Variants in TBC1D4 observed in about 807,000 individuals in gnomAD.
TBC1D4 encodes TBC1 domain family member 4.
A neutral mutation model predicts 142.5 loss-of-function variants in TBC1D4; 121 were observed. The ratio of observed to expected loss-of-function variants is 0.85; its 90% CI spans 0.73 to 0.99. The LOEUF is 0.99. Ranked by LOEUF, TBC1D4 falls within the 50% of genes least tolerant of loss-of-function variation. TBC1D4 has a pLI of 0.00. For missense variants in TBC1D4, 1,475 were observed against 1,606.6 expected (o/e 0.92, Z 1.40); for synonymous variants, 630 against 628.2 (o/e 1.00, Z -0.04).
chr13:75,381,141 G>A (rs4608216), intron 1 of TBC1D4, among the ~76,000 whole-genome samples: 72,194 of 152,008 alleles, frequency 0.47, 18,091 homozygotes, highest in South Asian at 0.71. Flanking sequence ...TGTTAATAAA[G>A]TGGATGAATT....
chr13:75,456,573 A>G lies in TBC1D4; in HGVS notation c.498+24697T>C, dbSNP rs577835321. On this transcript the variant is annotated intron_variant, in intron 1 of 20. Transcript: ENST00000377636. ...TTAGCACATCATTAGTCATCTGCAA[A>G]ATGCAAATTCAAACCTCCATGAGAT... 2.6e-5 allele frequency among the ~76,000 whole-genome samples: 4 copies of G among 152,288 alleles called. No individual in the cohort carries two copies. The East Asian group carries it at 7.7e-4, about 29-fold the overall frequency.
chr13:75,375,323 C>T (rs1317782588), intron 1 of TBC1D4, among the ~76,000 whole-genome samples: 3 of 152,304 alleles, frequency 2.0e-5, no homozygotes, highest in Non-Finnish European at 4.4e-5. Flanking sequence ...GGGGGCCACT[C>T]CCAGGGTCCT....
intron 16 of TBC1D4, 130 bp from the exon 17 acceptor site, chr13:75,299,704 G>T (rs1876322415): frequency 8.6e-7 from 1 of 1,159,140 alleles, no homozygotes; most frequent in Non-Finnish European, 1.2e-6. Context: ...GTTGCTTAGA[G>T]TCACCATGTA....
intron 6 of TBC1D4, 113 bp downstream of exon 6, chr13:75,341,383 T>C: frequency 8.0e-7 from 1 of 1,245,594 alleles, no homozygotes; most frequent in Admixed American, 1.8e-5. Context: ...CCAGTAGTAC[T>C]CTAGGTCATG....
At chr13:75,288,666 T>C (rs566337) in intron 20 of TBC1D4, among the ~76,000 whole-genome samples, 46,172 of 152,022 alleles carry the variant, frequency 0.3, 8,278 homozygotes, top group African/African-American at 0.49. Context: ...CTCCCTTTAA[T>C]TTAACCAAAT....
intron 4 of TBC1D4, among the ~76,000 whole-genome samples, chr13:75,355,311 A>G (rs1453295022): frequency 6.6e-6 from 1 of 152,224 alleles, no homozygotes; most frequent in Non-Finnish European, 1.5e-5. Flanking sequence ...ATGGTGATGT[A>G]TATGTCTAAA....
At chr13:75,438,234 T>C (rs1308001337) in intron 1 of TBC1D4, among the ~76,000 whole-genome samples, 1 of 152,194 alleles carries the variant, frequency 6.6e-6, no homozygotes, top group Non-Finnish European at 1.5e-5. Flanking sequence ...TCCTAGAAAC[T>C]TATAACTGAT....
chr13:75,456,702 G>A (rs1887749814), intron 1 of TBC1D4, among the ~76,000 whole-genome samples: 1 of 150,298 alleles, frequency 6.7e-6, no homozygotes, highest in African/African-American at 2.5e-5. Flanking sequence ...GCTGGTGGGA[G>A]TAGAAACTGG....
intron 1 of TBC1D4, among the ~76,000 whole-genome samples, chr13:75,397,543 A>G (rs1566458994): frequency 6.6e-6 from 1 of 152,178 alleles, no homozygotes; most frequent in Non-Finnish European, 1.5e-5. Context: ...CGGCAAGGAG[A>G]GAAAAGATAA....
intron 19 of TBC1D4, among the ~76,000 whole-genome samples, chr13:75,291,017 A>G (rs1875239979): frequency 6.6e-6 from 1 of 152,212 alleles, no homozygotes; most frequent in Non-Finnish European, 1.5e-5. Flanking sequence ...GCTGCTCTTA[A>G]GCTTGTCCAC....
intron 1 of TBC1D4, among the ~76,000 whole-genome samples, chr13:75,376,640 C>T (rs1174471618): frequency 6.6e-6 from 1 of 152,212 alleles, no homozygotes; most frequent in Non-Finnish European, 1.5e-5. Context: ...GCCTCAGCCT[C>T]CCAAAGTTCT....
At position 75,336,806 on chromosome 13, in the gene TBC1D4, GTTT is replaced by G. The variant is rs147812027; in HGVS notation, c.1731+112_1731+114del. The G allele has an allele frequency of 1.6e-4, 193 of 1,193,732 alleles. 1 individual carries two copies. In the African/African-American group the frequency reaches 2.6e-3, roughly 16 times the overall value. The allele number at this position is 1,193,732 out of a possible 1,614,324, so 73.9% of individuals were successfully genotyped here. On this transcript the variant is annotated intron_variant, in intron 8 of 20. Coordinates refer to ENST00000377636, the MANE Select transcript of TBC1D4 (RefSeq NM_014832.5). ...AAATAATTTTTAAAAGTTATCTTAG[GTTT>G]TTTTTTTGTTTGTTTTTTGTTTTAA... is the stretch of plus-strand genomic sequence containing the variant.
chr13:75,455,220 A>C lies in TBC1D4; in HGVS notation c.498+26050T>G, dbSNP rs75112712. On this transcript the variant is annotated intron_variant, in intron 1 of 20. Transcript: ENST00000377636. ...ACTCCACTGCCTCTGTAAAACATGC[A>C]TGTTCCATGTGCCCACAGCCCGCTG... Among the ~76,000 whole-genome samples the C allele has an allele frequency of 2.6e-3, 402 of 152,240 alleles. 2 individuals carry two copies. Among genetic ancestry groups the C allele is most frequent in the African/African-American group, 9.3e-3 (387 of 41,546 alleles).
intron 1 of TBC1D4, among the ~76,000 whole-genome samples, chr13:75,442,421 T>C (rs1887081354): frequency 6.6e-6 from 1 of 152,190 alleles, no homozygotes; most frequent in Admixed American, 6.5e-5. Context: ...ATGCTATGAA[T>C]ATCCCAAAAC....
chr13:75,306,546 T>C, intron 14 of TBC1D4, 75 bp from the exon 15 acceptor site: 1 of 1,560,608 alleles, frequency 6.4e-7, no homozygotes, highest in Non-Finnish European at 8.8e-7. Context: ...ATTGTATTTG[T>C]AAAACCATAC....
chr13:75,287,320 T>A (rs1467775586), intron 20 of TBC1D4, among the ~76,000 whole-genome samples: 2 of 152,154 alleles, frequency 1.3e-5, no homozygotes, highest in Non-Finnish European at 2.9e-5. Flanking sequence ...GTGAGTGGGA[T>A]CTGGCCTGGC....
At chr13:75,477,689 T>C (rs1208679923) in intron 1 of TBC1D4, among the ~76,000 whole-genome samples, 2 of 152,220 alleles carry the variant, frequency 1.3e-5, no homozygotes, top group Non-Finnish European at 2.9e-5. Context: ...ATACAGACTC[T>C]TTTTGCAAGT....
intron 1 of TBC1D4, among the ~76,000 whole-genome samples, chr13:75,403,648 T>G (rs919592085): frequency 6.6e-6 from 1 of 152,220 alleles, no homozygotes; most frequent in African/African-American, 2.4e-5. Context: ...ACATTAGTTT[T>G]TATCTTAATA....
intron 1 of TBC1D4, among the ~76,000 whole-genome samples, chr13:75,380,792 G>C (rs1347455914): frequency 6.6e-6 from 1 of 152,122 alleles, no homozygotes; most frequent in African/African-American, 2.4e-5. Context: ...TATGCCACTG[G>C]AAGAGTTTTC....
Sources: gnomAD v4.1 joint callset for allele counts (sites outside exome capture counted in the v4.1 genomes callset) on GRCh38, gnomAD v4.1.1 for gene constraint, MANE v1.5 for transcripts, NCBI Gene and HGNC (gene_info 2026-07-23, HGNC 2026-07-21) for gene names.